Variants in NBAS observed in about 807,000 individuals in gnomAD.
NBAS encodes the protein NBAS subunit of NRZ tethering complex.
NBAS carries 219 observed loss-of-function variants against 302.5 expected under a neutral mutation model. That is an observed-to-expected ratio of 0.72 (90% CI 0.65 to 0.81). NBAS has a LOEUF of 0.81. Among genes scored for constraint, NBAS ranks in the 30% least tolerant of loss-of-function variants. The probability of loss-of-function intolerance (pLI) is 0.00; values close to 1 mark genes in which losing one functional copy is unlikely to be tolerated. For synonymous variants in NBAS, 1,118 were observed against 1,021.6 expected (o/e 1.09, Z -1.80); for missense variants, 2,932 against 2,841.6 (o/e 1.03, Z -0.72).
At chr2:15,516,638 G>A (rs1051804172) in intron 9 of NBAS, among the ~76,000 whole-genome samples, 9 of 151,392 alleles carry the variant, frequency 5.9e-5, no homozygotes, top group African/African-American at 9.7e-5. Flanking sequence ...CACCAGAATC[G>A]CTTGAGCCTG....
At chr2:15,043,753 C>T in the NBAS span, among the ~76,000 whole-genome samples, 1 of 152,192 alleles carries the variant, frequency 6.6e-6, no homozygotes, top group Non-Finnish European at 1.5e-5. Flanking sequence ...AACCTGGGTT[C>T]TAAGTCTAGC....
chr2:15,546,157 A>G (rs1664097403), intron 6 of NBAS, among the ~76,000 whole-genome samples: 1 of 152,236 alleles, frequency 6.6e-6, no homozygotes, highest in Non-Finnish European at 1.5e-5. Context: ...ATCAGATCAC[A>G]AAACACTTAT....
chr2:15,543,637 G>A (rs966009358), intron 6 of NBAS, among the ~76,000 whole-genome samples: 1 of 152,166 alleles, frequency 6.6e-6, no homozygotes, highest in Admixed American at 6.5e-5. Context: ...AAGAGAATGA[G>A]GAAGATGCAA....
intron 23 of NBAS, among the ~76,000 whole-genome samples, chr2:15,420,952 T>A (rs1211446304): frequency 6.6e-6 from 1 of 151,820 alleles, no homozygotes; most frequent in African/African-American, 2.4e-5. Flanking sequence ...AGAAATGCAT[T>A]TTCAGTTGGA....
chr2:15,151,182 AT>A, the NBAS span, among the ~76,000 whole-genome samples: 1 of 152,212 alleles, frequency 6.6e-6, no homozygotes, highest in Non-Finnish European at 1.5e-5. Flanking sequence ...TCTGTGGAGG[AT>A]TTAATGATCA....
chr2:15,337,306 A>G (rs1672633136), intron 35 of NBAS, among the ~76,000 whole-genome samples: 1 of 151,996 alleles, frequency 6.6e-6, no homozygotes, highest in Non-Finnish European at 1.5e-5. Flanking sequence ...CTCAGGGGGA[A>G]AGGGTGGGAA....
intron 32 of NBAS, among the ~76,000 whole-genome samples, chr2:15,360,041 A>T (rs1439425390): frequency 6.6e-6 from 1 of 152,216 alleles, no homozygotes; most frequent in African/African-American, 2.4e-5. Flanking sequence ...ACTGGAATGC[A>T]ATGGTAAGAA....
Position 15,329,351 on chromosome 2 carries a change from C to T in NBAS, c.4348-1039G>A, listed in dbSNP as rs138101977. Among the ~76,000 whole-genome samples the T allele has an allele frequency of 2.4e-3, 365 of 152,268 alleles. 1 individual carries two copies. The highest frequency in any genetic ancestry group is 4.6e-3 in the Admixed American group (71 of 15,286). ...TCCTCTTTCTTCCACATCCAGACCA[C>T]CAGAAGGTCTAAAAAATATATCCCA... On this transcript the variant is annotated intron_variant, in intron 36 of 51. Transcript: ENST00000281513.
At chr2:14,849,613 C>G in the NBAS span, among the ~76,000 whole-genome samples, 1 of 144,842 alleles carries the variant, frequency 6.9e-6, no homozygotes, top group African/African-American at 2.8e-5. Context: ...AGAGCAACTC[C>G]AAGACACATA....
chr2:15,186,109 C>T (rs6721687), intron 50 of NBAS, among the ~76,000 whole-genome samples: 30,889 of 144,666 alleles, frequency 0.21, 4,008 homozygotes, highest in East Asian at 0.46. Flanking sequence ...CACACACACA[C>T]ATATGTGTAT....
At chr2:15,238,201 TAC>T (rs1558463849) in intron 45 of NBAS, among the ~76,000 whole-genome samples, 2 of 152,196 alleles carry the variant, frequency 1.3e-5, no homozygotes, top group Non-Finnish European at 2.9e-5. Context: ...CAACTCCTGC[TAC>T]CATCTCCATT....
the NBAS span, among the ~76,000 whole-genome samples, chr2:15,125,667 T>C: frequency 6.6e-5 from 10 of 152,236 alleles, no homozygotes; most frequent in South Asian, 6.2e-4. Flanking sequence ...ATGACTACCC[T>C]GTTACGTTTC....
At chr2:15,516,160 T>C (rs1662382041) in intron 9 of NBAS, among the ~76,000 whole-genome samples, 1 of 152,180 alleles carries the variant, frequency 6.6e-6, no homozygotes, top group Non-Finnish European at 1.5e-5. Context: ...TTGGTGGGTA[T>C]TTTAAACATG....
chr2:15,029,472 G>A, the NBAS span, among the ~76,000 whole-genome samples: 1 of 152,200 alleles, frequency 6.6e-6, no homozygotes, highest in Admixed American at 6.5e-5. Flanking sequence ...ATCAGAAAGG[G>A]GGGAAAATGA....
the NBAS span, among the ~76,000 whole-genome samples, chr2:14,916,448 CTTTTT>C: frequency 3.9e-5 from 6 of 152,058 alleles, no homozygotes; most frequent in African/African-American, 7.2e-5. Context: ...GTTTTCTTTT[CTTTTT>C]TATTTTCCTT....
the NBAS span, among the ~76,000 whole-genome samples, chr2:14,984,810 G>C: frequency 6.6e-6 from 1 of 152,198 alleles, no homozygotes; most frequent in Non-Finnish European, 1.5e-5. Context: ...AACGTAGGCA[G>C]GTCTTTTCCT....
At chr2:15,329,949 G>A (rs903398091) in intron 36 of NBAS, among the ~76,000 whole-genome samples, 6 of 152,160 alleles carry the variant, frequency 3.9e-5, no homozygotes, top group African/African-American at 1.4e-4. Context: ...TCACTGACAT[G>A]TTAAGTTCCA....
intron 5 of NBAS, among the ~76,000 whole-genome samples, chr2:15,552,263 C>A (rs922122520): frequency 3.3e-5 from 5 of 151,988 alleles, no homozygotes; most frequent in Non-Finnish European, 5.9e-5. Context: ...AAAATAATAC[C>A]CAGTATAAAG....
the NBAS span, among the ~76,000 whole-genome samples, chr2:14,932,577 T>C: frequency 6.6e-6 from 1 of 152,014 alleles, no homozygotes; most frequent in African/African-American, 2.4e-5. Context: ...AAAAAGAGAG[T>C]TGATATGACT....
Sources: gnomAD v4.1 joint callset for allele counts (sites outside exome capture counted in the v4.1 genomes callset) on GRCh38, gnomAD v4.1.1 for gene constraint, MANE v1.5 for transcripts, NCBI Gene and HGNC (gene_info 2026-07-23, HGNC 2026-07-21) for gene names.